The following IQCM variants were observed in gnomAD, a reference collection of about 807,000 sequenced individuals.
IQCM encodes the protein IQ domain-containing protein M.
A neutral mutation model predicts 57.6 loss-of-function variants in IQCM; 45 were observed. The ratio of observed to expected loss-of-function variants is 0.78; its 90% CI spans 0.62 to 1.00. The LOEUF (loss-of-function observed/expected upper bound fraction) is 1.00. Among genes scored for constraint, IQCM ranks in the 50% least tolerant of loss-of-function variants. The pLI, the probability that IQCM is intolerant of heterozygous loss-of-function variation, is 0.00. For synonymous variants in IQCM, 148 were observed against 158.9 expected, an observed-to-expected ratio of 0.93 and a Z score of 0.51; for missense variants, 468 against 511.6, an observed-to-expected ratio of 0.91 and a Z score of 0.82.
At chr4:149,488,648 C>G (rs573479882) in intron 12 of IQCM, among the ~76,000 whole-genome samples, 30 of 152,220 alleles carry the variant, frequency 2.0e-4, no homozygotes, top group Admixed American at 1.1e-3. Context: ...TCCTTAGGGA[C>G]AGAAAATAGT....
At chr4:149,453,817 C>T (rs553054738) in intron 12 of IQCM, among the ~76,000 whole-genome samples, 1 of 151,932 alleles carries the variant, frequency 6.6e-6, no homozygotes, top group South Asian at 2.1e-4. Flanking sequence ...GTCGGTTCTT[C>T]AGTATGCTAA....
chr4:149,410,130 C>A (rs2111170015), intron 13 of IQCM, among the ~76,000 whole-genome samples: 1 of 152,210 alleles, frequency 6.6e-6, no homozygotes, highest in Non-Finnish European at 1.5e-5. Context: ...TTGCAGTGAG[C>A]CGAGATTGCG....
intron 12 of IQCM, among the ~76,000 whole-genome samples, chr4:149,452,942 T>C (rs1737287133): frequency 6.6e-6 from 1 of 151,064 alleles, no homozygotes; most frequent in South Asian, 2.1e-4. Context: ...TGATGCTAAT[T>C]CCAACCGCAG....
chr4:149,789,774 C>T lies in IQCM; in HGVS notation c.-49+25537G>A, dbSNP rs368603714. On this transcript the variant is annotated intron_variant, in intron 2 of 13. Transcript: ENST00000636793. Reference sequence around the variant, plus strand: ...AAAAATTGCTGAGCATGGTGTTACACGCCTGTGGTCCCAGATACTCAGGAG... The same window carrying T: ...AAAAATTGCTGAGCATGGTGTTACATGCCTGTGGTCCCAGATACTCAGGAG... 4.6e-5 allele frequency among the ~76,000 whole-genome samples: 7 copies of T among 151,934 alleles called. No individual in the cohort carries two copies. In the South Asian group the frequency reaches 6.2e-4, roughly 14 times the overall value.
At chr4:149,651,511 G>T (rs1759178502) in intron 7 of IQCM, among the ~76,000 whole-genome samples, 1 of 152,038 alleles carries the variant, frequency 6.6e-6, no homozygotes, top group Non-Finnish European at 1.5e-5. Flanking sequence ...CACTGCTCTG[G>T]CTACTGTCAC....
At chr4:149,645,303 A>T (rs760797153) in intron 7 of IQCM, among the ~76,000 whole-genome samples, 8 of 152,128 alleles carry the variant, frequency 5.3e-5, no homozygotes, top group Non-Finnish European at 1.0e-4. Context: ...TCAGTTTTTT[A>T]ATTGATGTTG....
At chr4:149,628,497 A>G (rs1756997052) in intron 7 of IQCM, among the ~76,000 whole-genome samples, 1 of 152,198 alleles carries the variant, frequency 6.6e-6, no homozygotes, top group Non-Finnish European at 1.5e-5. Context: ...CCTAGAATGC[A>G]GAAGAAAAGC....
At chr4:149,611,278 T>G (rs776204511) in intron 8 of IQCM, among the ~76,000 whole-genome samples, 5 of 151,024 alleles carry the variant, frequency 3.3e-5, no homozygotes, top group Non-Finnish European at 7.4e-5. Flanking sequence ...AGTATGGAGG[T>G]TCCTCAAAAA....
chr4:149,729,448 G>C (rs949373532), intron 5 of IQCM, among the ~76,000 whole-genome samples: 3 of 143,370 alleles, frequency 2.1e-5, no homozygotes, highest in African/African-American at 8.2e-5. Flanking sequence ...CACACTCAAA[G>C]TCTTTTTTTG....
At chr4:149,723,286 C>T (rs559356011) in intron 5 of IQCM, among the ~76,000 whole-genome samples, 3 of 151,986 alleles carry the variant, frequency 2.0e-5, no homozygotes, top group African/African-American at 7.2e-5. Flanking sequence ...ATTTCTTTCT[C>T]TTGCCTGATT....
chr4:149,669,792 T>C (rs1423346793), intron 7 of IQCM, among the ~76,000 whole-genome samples: 1 of 152,120 alleles, frequency 6.6e-6, no homozygotes. Flanking sequence ...GTTGTAGGTG[T>C]GTGGTATTAT....
In IQCM at chr4:149,601,193, G is replaced by C. The variant is rs576668151; in HGVS notation, c.682-13196C>G. On this transcript the variant is annotated intron_variant, in intron 8 of 13. Coordinates refer to ENST00000636793, the MANE Select transcript of IQCM (RefSeq NM_001363507.2). ...CAGATCTTCTGATTCAATAGATCGGGCTGGGACCTAAGATTAGAAGATTAG... is the reference window on the plus strand; with the variant it reads ...CAGATCTTCTGATTCAATAGATCGGCCTGGGACCTAAGATTAGAAGATTAG... 9.0e-4 allele frequency among the ~76,000 whole-genome samples: 74 copies of C among 82,580 alleles called. 1 individual carries two copies. In the South Asian group the frequency reaches 0.042, roughly 46 times the overall value. The allele number at this position is 82,580 out of a possible 152,430, so 54.2% of individuals were successfully genotyped here. A position where few individuals can be genotyped will look rare whatever the true frequency, so the allele number is the denominator to read the frequency against.
chr4:149,464,255 C>T lies in IQCM; in HGVS notation c.1229-30698G>A, dbSNP rs552104455. On this transcript the variant is annotated intron_variant, in intron 12 of 13. Transcript: ENST00000636793. ...ATTGGGGAAGCTGGATTACTCTTAA[C>T]GCTAGCTTAATCTGAGATTATATGT... Among the ~76,000 whole-genome samples the T allele has an allele frequency of 2.0e-4, 30 of 152,314 alleles. No homozygotes were observed. The South Asian group carries it at 4.1e-3, about 21-fold the overall frequency.
At chr4:149,602,007 T>C (rs1754343717) in intron 8 of IQCM, among the ~76,000 whole-genome samples, 2 of 147,202 alleles carry the variant, frequency 1.4e-5, no homozygotes, top group African/African-American at 5.1e-5. Context: ...TGAGCCAAGA[T>C]TGTGCCACTG....
At chr4:149,733,109 GC>G in intron 5 of IQCM, 134 bp downstream of exon 5, 1 of 755,810 alleles carries the variant, frequency 1.3e-6, no homozygotes, top group Non-Finnish European at 1.8e-6. Context: ...TAATAATCAG[GC>G]CTCCCTACCT....
chr4:149,444,145 T>C (rs1736260467), intron 12 of IQCM, among the ~76,000 whole-genome samples: 2 of 151,954 alleles, frequency 1.3e-5, no homozygotes, highest in African/African-American at 4.8e-5. Context: ...GGAGAAAGGC[T>C]ACATATATTT....
chr4:149,446,799 T>C (rs896480240), intron 12 of IQCM, among the ~76,000 whole-genome samples: 1 of 151,610 alleles, frequency 6.6e-6, no homozygotes, highest in Non-Finnish European at 1.5e-5. Context: ...TCCTTAAGGA[T>C]AGTCAGAATC....
intron 12 of IQCM, among the ~76,000 whole-genome samples, chr4:149,485,224 T>A (rs1404764729): frequency 6.6e-6 from 1 of 152,036 alleles, no homozygotes; most frequent in Admixed American, 6.6e-5. Context: ...TCTATAATCT[T>A]CTTATATGTG....
At chr4:149,676,710 AATAG>A (rs1377667782) in intron 7 of IQCM, among the ~76,000 whole-genome samples, 2 of 152,082 alleles carry the variant, frequency 1.3e-5, no homozygotes, top group East Asian at 1.9e-4. Flanking sequence ...TTCAAAAGGA[AATAG>A]ATAGATAATT....
Sources: allele counts gnomAD v4.1 joint callset (sites outside exome capture counted in the v4.1 genomes callset), GRCh38; gene constraint gnomAD v4.1.1; transcripts MANE v1.5; gene names NCBI Gene and HGNC (gene_info 2026-07-23, HGNC 2026-07-21).